Variants in RGS6 observed in about 807,000 individuals in gnomAD.
RGS6 encodes regulator of G-protein signaling 6.
RGS6 carries 30 observed loss-of-function variants against 78.5 expected under a neutral mutation model. That is an observed-to-expected ratio of 0.38 (90% CI 0.29 to 0.52). The LOEUF (loss-of-function observed/expected upper bound fraction) is 0.52, where lower values mean the gene tolerates loss of function less well. Among genes scored for constraint, RGS6 ranks in the 20% least tolerant of loss-of-function variants. RGS6 has a pLI of 0.85. For missense variants in RGS6, 495 were observed against 609.7 expected (o/e 0.81, Z 1.98); for synonymous variants, 206 against 206.0 (o/e 1.00, Z 0.00).
the RGS6 span, among the ~76,000 whole-genome samples, chr14:72,579,583 A>C: frequency 6.6e-6 from 1 of 152,210 alleles, no homozygotes. Context: ...TCCACAGCCC[A>C]GGGATAATGA....
chr14:71,982,720 C>T (rs972033222), intron 2 of RGS6, among the ~76,000 whole-genome samples: 3 of 152,208 alleles, frequency 2.0e-5, no homozygotes, highest in African/African-American at 7.2e-5. Context: ...ACAAGCAGCT[C>T]CAATTGCTGG....
intron 2 of RGS6, among the ~76,000 whole-genome samples, chr14:72,160,566 G>A (rs1431543346): frequency 6.6e-6 from 1 of 152,206 alleles, no homozygotes; most frequent in Non-Finnish European, 1.5e-5. Flanking sequence ...GAATGTGACT[G>A]TATTTGGAGA....
intron 2 of RGS6, among the ~76,000 whole-genome samples, chr14:72,245,626 G>A (rs1327685878): frequency 6.6e-6 from 1 of 152,168 alleles, no homozygotes; most frequent in Non-Finnish European, 1.5e-5. Context: ...CTTCCAGCTT[G>A]GGCGTTATCC....
intron 6 of RGS6, 45 bp downstream of exon 6, chr14:72,459,728 G>A: frequency 6.3e-7 from 1 of 1,592,778 alleles, no homozygotes; most frequent in Non-Finnish European, 8.6e-7. Context: ...AACACTGTGT[G>A]TCACTTCTGG....
chr14:72,544,091 G>C (rs2097361048), intron 17 of RGS6, among the ~76,000 whole-genome samples: 1 of 152,172 alleles, frequency 6.6e-6, no homozygotes. Context: ...ACAGTGGGGT[G>C]GGGGGCCTCA....
chr14:72,008,644 T>A (rs1018279406), intron 2 of RGS6, among the ~76,000 whole-genome samples: 7 of 152,160 alleles, frequency 4.6e-5, no homozygotes, highest in African/African-American at 1.7e-4. Context: ...CTTTCCTGGA[T>A]CCCTCACGGT....
chr14:72,317,686 T>C (rs1032815679), intron 2 of RGS6, among the ~76,000 whole-genome samples: 4 of 152,198 alleles, frequency 2.6e-5, no homozygotes, highest in Non-Finnish European at 4.4e-5. Context: ...GAGTCTGTTA[T>C]AAGCTTTGAT....
chr14:71,915,115 G>A, the RGS6 span, among the ~76,000 whole-genome samples: 58 of 151,912 alleles, frequency 3.8e-4, no homozygotes, highest in Middle Eastern at 3.4e-3. Flanking sequence ...AAAATTAGCC[G>A]GGCATGGTGG....
chr14:71,932,618 G>A lies in RGS6; in HGVS notation c.-344G>A, dbSNP rs951020749. On this transcript the variant is annotated 5_prime_UTR_variant, in exon 1 of 18. Transcript: ENST00000553525. ...CGGCGAACGCCTGGGAGCGCGGAGAGCCAGGCCAGCCCGGAGCGCGCCGGG... is the reference window on the plus strand; with the variant it reads ...CGGCGAACGCCTGGGAGCGCGGAGAACCAGGCCAGCCCGGAGCGCGCCGGG... 3.3e-5 allele frequency: 5 copies of A among 152,226 alleles called. No individual in the cohort carries two copies. Among genetic ancestry groups the A allele is most frequent in the African/African-American group, 9.7e-5 (4 of 41,446 alleles). The allele number at this position is 152,226 out of a possible 1,614,324, so 9.4% of individuals were successfully genotyped here.
At position 72,202,449 on chromosome 14, in the gene RGS6, T is replaced by G. The variant is rs552645432; in HGVS notation, c.85-149646T>G. The stretch of plus-strand genomic sequence containing the variant: ...TTCTGCAAGGGGGCATTTCTGCATT[T>G]GAGCAGCTCCCGTTCTTACCCATTA... On this transcript the variant is annotated intron_variant, in intron 2 of 17. Coordinates refer to ENST00000553525, the MANE Select transcript of RGS6 (RefSeq NM_001204424.2). 3.3e-4 allele frequency among the ~76,000 whole-genome samples: 50 copies of G among 152,312 alleles called. 1 individual carries two copies. Among genetic ancestry groups the G allele is most frequent in the African/African-American group, 1.1e-3 (47 of 41,572 alleles).
chr14:72,583,372 A>G, the RGS6 span, among the ~76,000 whole-genome samples: 52 of 152,366 alleles, frequency 3.4e-4, no homozygotes, highest in African/African-American at 1.2e-3. Context: ...AGATAGCTGG[A>G]TAGATAGATG....
intron 2 of RGS6, among the ~76,000 whole-genome samples, chr14:72,288,698 G>A (rs913929963): frequency 3.9e-5 from 6 of 152,018 alleles, no homozygotes; most frequent in Non-Finnish European, 8.8e-5. Context: ...GAGGAGTGAG[G>A]CTTAGGGGAA....
In RGS6 at chr14:72,410,749, G is replaced by A. The variant is rs530647039; in HGVS notation, c.185-43779G>A. Among the ~76,000 whole-genome samples the A allele has an allele frequency of 5.4e-3, 828 of 152,308 alleles. 6 individuals carry two copies. The highest frequency in any genetic ancestry group is 0.019 in the African/African-American group (782 of 41,554). On this transcript the variant is annotated intron_variant, in intron 3 of 17. Coordinates refer to ENST00000553525, the MANE Select transcript of RGS6 (RefSeq NM_001204424.2). ...CCATCTTGAATTAATTTTTGTATAA[G>A]GTGTAAAGGAGGGATCCAGTTTCAG...
chr14:72,259,704 G>A lies in RGS6; in HGVS notation c.85-92391G>A, dbSNP rs546260992. Reference sequence around the variant, plus strand: ...GGGTGGATCACGAGGTCAGGAGATCGACACCATCCTGGCTAACATGGTGAA... The same window carrying A: ...GGGTGGATCACGAGGTCAGGAGATCAACACCATCCTGGCTAACATGGTGAA... On this transcript the variant is annotated intron_variant, in intron 2 of 17. Transcript: ENST00000553525. 5.4e-4 allele frequency among the ~76,000 whole-genome samples: 82 copies of A among 150,784 alleles called. No homozygotes were observed. In the East Asian group the frequency reaches 0.015, roughly 27 times the overall value.
intron 2 of RGS6, among the ~76,000 whole-genome samples, chr14:72,051,162 A>C (rs1014112103): frequency 6.6e-6 from 1 of 152,204 alleles, no homozygotes; most frequent in African/African-American, 2.4e-5. Context: ...AGTGGGAAAA[A>C]AAAGCAAAAT....
At chr14:72,278,831 C>A (rs1490929692) in intron 2 of RGS6, among the ~76,000 whole-genome samples, 1 of 152,042 alleles carries the variant, frequency 6.6e-6, no homozygotes, top group Non-Finnish European at 1.5e-5. Flanking sequence ...CACATTTATT[C>A]TCTCATACTT....
chr14:72,272,972 A>G (rs1249064071), intron 2 of RGS6, among the ~76,000 whole-genome samples: 2 of 152,044 alleles, frequency 1.3e-5, no homozygotes. Flanking sequence ...AAAAATTAGC[A>G]GGGCGTGGTG....
chr14:71,926,954 C>A, the RGS6 span, among the ~76,000 whole-genome samples: 1 of 152,306 alleles, frequency 6.6e-6, no homozygotes, highest in African/African-American at 2.4e-5. Context: ...GTGGAAATCC[C>A]AGCATCTAGC....
chr14:72,394,263 C>T (rs990072995), intron 3 of RGS6, among the ~76,000 whole-genome samples: 36 of 152,076 alleles, frequency 2.4e-4, no homozygotes, highest in African/African-American at 8.7e-4. Context: ...AGCCACAAAA[C>T]CAGCAGGTTT....
Sources: allele counts gnomAD v4.1 joint callset (sites outside exome capture counted in the v4.1 genomes callset), GRCh38; gene constraint gnomAD v4.1.1; transcripts MANE v1.5; gene names NCBI Gene and HGNC (gene_info 2026-07-23, HGNC 2026-07-21).